The following WDR76 variants were observed in gnomAD, a reference collection of about 807,000 sequenced individuals.
WDR76 encodes WD repeat domain 76, also known as WD repeat-containing protein 76.
WDR76 carries 52 observed loss-of-function variants against 70.2 expected under a neutral mutation model. The observed-to-expected ratio is 0.74, with a 90% CI of 0.59 to 0.93. WDR76 has a LOEUF of 0.93. Among genes scored for constraint, WDR76 ranks in the 40% least tolerant of loss-of-function variants. The pLI is 0.00. For synonymous variants in WDR76, 292 were observed against 271.1 expected (o/e 1.08, Z -0.76); for missense variants, 756 against 760.2 (o/e 0.99, Z 0.07).
At chr15:43,827,899 AT>A in intron 1 of WDR76, 65 bp from the exon 2 acceptor site, 2 of 1,424,630 alleles carry the variant, frequency 1.4e-6, no homozygotes, top group Admixed American at 5.0e-5. Context: ...TCTGTTAGGG[AT>A]CCTGTAAGAA....
intron 2 of WDR76, among the ~76,000 whole-genome samples, chr15:43,830,360 T>C (rs1213836526): frequency 6.6e-6 from 1 of 151,888 alleles, no homozygotes; most frequent in Non-Finnish European, 1.5e-5. Flanking sequence ...GTGGGGAGTT[T>C]GAGACCAGCC....
intron 11 of WDR76, among the ~76,000 whole-genome samples, chr15:43,859,302 G>A (rs1194595022): frequency 6.6e-6 from 1 of 152,150 alleles, no homozygotes; most frequent in African/African-American, 2.4e-5. Flanking sequence ...CCTTCCTATA[G>A]CTACTTCCTA....
At chr15:43,854,242 T>A (rs2087900085) in intron 9 of WDR76, among the ~76,000 whole-genome samples, 1 of 152,148 alleles carries the variant, frequency 6.6e-6, no homozygotes, top group African/African-American at 2.4e-5. Context: ...CAAAAACTTG[T>A]ACGGGAATGT....
chr15:43,861,179 A>C (rs1202655911), intron 11 of WDR76, among the ~76,000 whole-genome samples, 154 bp from the exon 12 acceptor site: 1 of 152,164 alleles, frequency 6.6e-6, no homozygotes, highest in Non-Finnish European at 1.5e-5. Context: ...GATTACAGGC[A>C]TGGGCCTCTA....
chr15:43,834,867 T>C (rs1455300440), intron 2 of WDR76, among the ~76,000 whole-genome samples, 194 bp from the exon 3 acceptor site: 2 of 152,158 alleles, frequency 1.3e-5, no homozygotes, highest in Admixed American at 6.6e-5. Flanking sequence ...ACAGATATTT[T>C]GGGGGTATCC....
chr15:43,837,797 A>G (rs1166153187), intron 4 of WDR76, among the ~76,000 whole-genome samples: 1 of 152,044 alleles, frequency 6.6e-6, no homozygotes, highest in Non-Finnish European at 1.5e-5. Context: ...AATACCCCTG[A>G]AGGCCCATAT....
chr15:43,829,237 A>G (rs2087557120), intron 2 of WDR76, among the ~76,000 whole-genome samples: 1 of 152,060 alleles, frequency 6.6e-6, no homozygotes, highest in Admixed American at 6.6e-5. Flanking sequence ...GCCTACCAGG[A>G]GCGCCGTGCT....
In WDR76 at chr15:43,828,151, A is replaced by G; in HGVS notation, c.247A>G (p.Lys83Glu). The G allele has an allele frequency of 6.2e-7, 1 of 1,614,154 alleles. No individual in the cohort carries two copies. Among genetic ancestry groups the G allele is most frequent in the Non-Finnish European group, 8.5e-7 (1 of 1,180,018 alleles). ...KNSNNEVACK[K>E]TKIKKTCRRI... is the part of the protein sequence containing the mutation. Reference sequence around the variant, plus strand: ...TTCTAACAATGAAGTGGCGTGTAAGAAGACTAAAATAAAGAAAACTTGCAG... The same window carrying G: ...TTCTAACAATGAAGTGGCGTGTAAGGAGACTAAAATAAAGAAAACTTGCAG... Residue 83 changes from lysine (K) to glutamate (E), a missense_variant, in exon 2 of 13, where the codon AAG (lysine) becomes GAG (glutamate). Transcript: ENST00000263795.
intron 4 of WDR76, 124 bp downstream of exon 4, chr15:43,836,340 CT>C: frequency 1.2e-5 from 8 of 684,252 alleles, no homozygotes; most frequent in Non-Finnish European, 1.8e-5. Context: ...CTCAGTCCCT[CT>C]AGGATCTCTG....
chr15:43,829,191 C>A (rs919596891), intron 2 of WDR76, among the ~76,000 whole-genome samples: 1 of 152,008 alleles, frequency 6.6e-6, no homozygotes, highest in Non-Finnish European at 1.5e-5. Context: ...TGAGCCACTG[C>A]GCCCAGCCTG....
chr15:43,835,505 G>A (rs1252356130), intron 3 of WDR76, among the ~76,000 whole-genome samples: 1 of 99,868 alleles, frequency 1.0e-5, no homozygotes, highest in African/African-American at 3.5e-5. Flanking sequence ...GCAACAACAA[G>A]AGCCGTAAAA....
chr15:43,855,963 T>C (rs890959185), intron 9 of WDR76, among the ~76,000 whole-genome samples: 1 of 152,188 alleles, frequency 6.6e-6, no homozygotes, highest in Non-Finnish European at 1.5e-5. Flanking sequence ...ATATCTTGAG[T>C]ATGCTTCCAC....
rs187958292 is a variant in WDR76, at chr15:43,861,809, A to G, written c.1616+423A>G. Among the ~76,000 whole-genome samples the G allele has an allele frequency of 1.4e-3, 211 of 149,054 alleles. 1 individual carries two copies. Among genetic ancestry groups the G allele is most frequent in the Non-Finnish European group, 2.8e-4 (19 of 67,512 alleles). Reference sequence around the variant, plus strand: ...ATTTCTTTGATTATACTCTTGCATCAACTACTTTGAATGTATTTGTGTATT... The same window carrying G: ...ATTTCTTTGATTATACTCTTGCATCGACTACTTTGAATGTATTTGTGTATT... On this transcript the variant is annotated intron_variant, in intron 12 of 12. Transcript: ENST00000263795.
intron 2 of WDR76, among the ~76,000 whole-genome samples, 187 bp downstream of exon 2, chr15:43,828,553 G>A (rs1436128085): frequency 6.6e-6 from 1 of 152,024 alleles, no homozygotes; most frequent in Non-Finnish European, 1.5e-5. Context: ...GGTTATTTTT[G>A]CTCTTGCTGT....
intron 7 of WDR76, 72 bp from the exon 8 acceptor site, chr15:43,843,829 G>C (rs1425068234): frequency 1.5e-6 from 2 of 1,317,636 alleles, no homozygotes; most frequent in Admixed American, 6.3e-5. Context: ...TTTTCTTTTT[G>C]AATAATCTTT....
intron 4 of WDR76, 21 bp from the exon 5 acceptor site, chr15:43,839,584 A>T: frequency 6.3e-7 from 1 of 1,593,606 alleles, no homozygotes; most frequent in Non-Finnish European, 8.5e-7. Context: ...GTATAACATG[A>T]GTTTTTCCCC....
chr15:43,841,289 G>C (rs906895829), intron 5 of WDR76, among the ~76,000 whole-genome samples: 4 of 144,742 alleles, frequency 2.8e-5, no homozygotes, highest in African/African-American at 1.0e-4. Context: ...TGTAAGCTCT[G>C]CATCCCAGGT....
intron 8 of WDR76, among the ~76,000 whole-genome samples, chr15:43,845,927 G>T (rs2087782796): frequency 6.7e-6 from 1 of 150,282 alleles, no homozygotes. Context: ...CAAGTTTGAA[G>T]ACAGAAACCA....
At chr15:43,850,096 C>T (rs2087837853) in intron 8 of WDR76, among the ~76,000 whole-genome samples, 1 of 151,522 alleles carries the variant, frequency 6.6e-6, no homozygotes, top group South Asian at 2.1e-4. Flanking sequence ...GTAGAGTAAG[C>T]CAGATTTAGA....
Sources: allele counts gnomAD v4.1 joint callset (sites outside exome capture counted in the v4.1 genomes callset), GRCh38; gene constraint gnomAD v4.1.1; transcripts MANE v1.5; gene names NCBI Gene and HGNC (gene_info 2026-07-23, HGNC 2026-07-21).